The following FHIT variants were observed in gnomAD, a reference collection of about 807,000 sequenced individuals.
The protein encoded by FHIT is bis(5'-adenosyl)-triphosphatase.
In FHIT, 19 loss-of-function variants were observed where a neutral mutation model predicts 17.9. The ratio of observed to expected loss-of-function variants is 1.06; its 90% CI spans 0.74 to 1.56. The LOEUF (loss-of-function observed/expected upper bound fraction) is 1.56. Among genes scored for constraint, FHIT ranks in the 40% most tolerant of loss-of-function variants. The pLI is 0.00. For missense variants in FHIT, 248 were observed against 189.2 expected, an observed-to-expected ratio of 1.31 and a Z score of -1.82; for synonymous variants, 81 against 69.7, an observed-to-expected ratio of 1.16 and a Z score of -0.81.
intron 4 of FHIT, among the ~76,000 whole-genome samples, chr3:60,719,027 G>T (rs1186196219): frequency 6.6e-6 from 1 of 152,158 alleles, no homozygotes; most frequent in Non-Finnish European, 1.5e-5. Context: ...AACTGTGGTA[G>T]AACAATCTAG....
At chr3:59,974,889 A>C (rs1448259868) in intron 7 of FHIT, among the ~76,000 whole-genome samples, 1 of 152,132 alleles carries the variant, frequency 6.6e-6, no homozygotes, top group Non-Finnish European at 1.5e-5. Context: ...TACCAACCCA[A>C]CAAAAGCAGG....
chr3:60,334,950 TAAC>T (rs946030731), intron 5 of FHIT, among the ~76,000 whole-genome samples: 10 of 152,238 alleles, frequency 6.6e-5, no homozygotes, highest in African/African-American at 2.2e-4. Flanking sequence ...ATTATTTTCC[TAAC>T]AACAACTGAA....
At chr3:60,541,509 G>A (rs1326196975) in intron 4 of FHIT, among the ~76,000 whole-genome samples, 2 of 152,080 alleles carry the variant, frequency 1.3e-5, no homozygotes, top group Non-Finnish European at 2.9e-5. Context: ...GTACTACCTG[G>A]TTCTAGGGAT....
intron 3 of FHIT, among the ~76,000 whole-genome samples, chr3:61,018,142 C>CAGAT (rs2107639248): frequency 6.6e-6 from 1 of 152,220 alleles, no homozygotes; most frequent in African/African-American, 2.4e-5. Context: ...CCTTATTATA[C>CAGAT]AGATAGTCAA....
At chr3:61,220,344 A>G (rs1193632944) in intron 1 of FHIT, among the ~76,000 whole-genome samples, 1 of 152,264 alleles carries the variant, frequency 6.6e-6, no homozygotes, top group African/African-American at 2.4e-5. Context: ...AATACTTTAA[A>G]CACATGGAAT....
At chr3:60,263,498 T>C (rs2107614072) in intron 5 of FHIT, among the ~76,000 whole-genome samples, 1 of 152,052 alleles carries the variant, frequency 6.6e-6, no homozygotes, top group Admixed American at 6.6e-5. Flanking sequence ...ACAATACTAC[T>C]CAGCAATGAA....
intron 5 of FHIT, among the ~76,000 whole-genome samples, chr3:60,016,274 A>G (rs1700341349): frequency 6.6e-6 from 1 of 152,198 alleles, no homozygotes; most frequent in African/African-American, 2.4e-5. Context: ...CCTATAATCT[A>G]GAGTATAGAG....
intron 5 of FHIT, among the ~76,000 whole-genome samples, chr3:60,323,697 A>G (rs1307592229): frequency 6.6e-6 from 1 of 152,174 alleles, no homozygotes; most frequent in East Asian, 1.9e-4. Context: ...TCCTCCTTAA[A>G]TTACTTTGAC....
At chr3:60,165,405 G>T (rs55702756) in intron 5 of FHIT, among the ~76,000 whole-genome samples, 17,334 of 152,150 alleles carry the variant, frequency 0.11, 2,476 homozygotes, top group East Asian at 0.36. Context: ...TTAAAGAATG[G>T]AAACAAAGAG....
At chr3:59,918,663 T>A (rs1705257484) in intron 8 of FHIT, among the ~76,000 whole-genome samples, 1 of 152,130 alleles carries the variant, frequency 6.6e-6, no homozygotes, top group Non-Finnish European at 1.5e-5. Flanking sequence ...GAGCAGCCCA[T>A]GAAATAGGCA....
chr3:60,893,876 A>T (rs903809031), intron 3 of FHIT, among the ~76,000 whole-genome samples: 1 of 152,226 alleles, frequency 6.6e-6, no homozygotes, highest in Admixed American at 6.5e-5. Flanking sequence ...GGCACCACAT[A>T]GGGGTTAGGA....
At chr3:59,750,128 G>C (rs552987514) in intron 9 of FHIT, 1 of 227,080 alleles carries the variant, frequency 4.4e-6, no homozygotes, top group South Asian at 1.8e-4. Context: ...AAGACAGGAG[G>C]TGTCAGGCCT....
At chr3:59,843,456 G>C (rs1417805300) in intron 8 of FHIT, among the ~76,000 whole-genome samples, 3 of 152,058 alleles carry the variant, frequency 2.0e-5, no homozygotes, top group Non-Finnish European at 4.4e-5. Flanking sequence ...AGCAAAAAAA[G>C]CATCGTTGGA....
At chr3:60,844,338 GA>G (rs540673352) in intron 3 of FHIT, among the ~76,000 whole-genome samples, 1 of 151,958 alleles carries the variant, frequency 6.6e-6, no homozygotes, top group Non-Finnish European at 1.5e-5. Context: ...CAATCCTGGG[GA>G]ATAGATTTTC....
intron 5 of FHIT, among the ~76,000 whole-genome samples, chr3:60,322,224 G>C (rs213385): frequency 0.61 from 93,332 of 152,014 alleles, 29,120 homozygotes; most frequent in South Asian, 0.71. Context: ...GGAGATCCTG[G>C]AGTATATTAG....
chr3:60,638,704 A>G (rs1317063475), intron 4 of FHIT, among the ~76,000 whole-genome samples: 2 of 152,122 alleles, frequency 1.3e-5, no homozygotes, highest in East Asian at 3.9e-4. Flanking sequence ...TTACTATCAT[A>G]GGGAGATATA....
intron 5 of FHIT, among the ~76,000 whole-genome samples, chr3:60,471,091 T>C (rs1019918360): frequency 2.0e-5 from 3 of 152,162 alleles, no homozygotes; most frequent in African/African-American, 7.2e-5. Flanking sequence ...GTATCCAAGT[T>C]GCAAAACAAT....
intron 3 of FHIT, among the ~76,000 whole-genome samples, chr3:60,870,262 GAAA>G (rs5849398): frequency 3.3e-5 from 5 of 151,766 alleles, no homozygotes; most frequent in Admixed American, 1.3e-4. Context: ...AACACACAAA[GAAA>G]AAAAAAAACA....
chr3:60,042,731 T>C (rs1363675742), intron 5 of FHIT, among the ~76,000 whole-genome samples: 1 of 152,132 alleles, frequency 6.6e-6, no homozygotes, highest in Non-Finnish European at 1.5e-5. Flanking sequence ...CAACTTATCT[T>C]TCTTTGCAAG....
Sources: gnomAD v4.1 joint callset for allele counts (sites outside exome capture counted in the v4.1 genomes callset) on GRCh38, gnomAD v4.1.1 for gene constraint, MANE v1.5 for transcripts, NCBI Gene and HGNC (gene_info 2026-07-23, HGNC 2026-07-21) for gene names.